Variants in DENND4C observed in about 807,000 individuals in gnomAD.
DENND4C encodes the protein DENN domain-containing protein 4C.
DENND4C carries 108 observed loss-of-function variants against 203.0 expected under a neutral mutation model. That is an observed-to-expected ratio of 0.53 (90% CI 0.46 to 0.62). DENND4C has a LOEUF of 0.62. Among genes scored for constraint, DENND4C ranks in the 20% least tolerant of loss-of-function variants. The pLI is 0.00. For missense variants in DENND4C, 2,481 were observed against 2,301.2 expected (o/e 1.08, Z -1.60); for synonymous variants, 871 against 792.4 (o/e 1.10, Z -1.67).
At chr9:19,323,402 C>T (rs1173236909) in intron 12 of DENND4C, among the ~76,000 whole-genome samples, 1 of 151,024 alleles carries the variant, frequency 6.6e-6, no homozygotes, top group Non-Finnish European at 1.5e-5. Context: ...TGCACTCCAG[C>T]CTGGGCGACA....
At chr9:19,239,095 A>C (rs537355699) in intron 1 of DENND4C, among the ~76,000 whole-genome samples, 88 of 151,958 alleles carry the variant, frequency 5.8e-4, no homozygotes, top group African/African-American at 2.1e-3. Flanking sequence ...GTTTATTTTA[A>C]ATTTTATTGA....
intron 30 of DENND4C, among the ~76,000 whole-genome samples, chr9:19,367,172 A>T (rs1305617837): frequency 1.3e-5 from 2 of 152,214 alleles, no homozygotes; most frequent in Admixed American, 6.5e-5. Flanking sequence ...TAGGATGGCT[A>T]TAATAAAAAA....
chr9:19,239,416 T>C (rs1482593143), intron 1 of DENND4C, among the ~76,000 whole-genome samples: 1 of 152,158 alleles, frequency 6.6e-6, no homozygotes, highest in Non-Finnish European at 1.5e-5. Context: ...TTTATGTTAA[T>C]GATCTCAAGT....
intron 1 of DENND4C, among the ~76,000 whole-genome samples, chr9:19,245,578 C>T (rs1273698242): frequency 3.3e-5 from 5 of 151,532 alleles, no homozygotes; most frequent in South Asian, 4.2e-4. Context: ...AGCATTGGGC[C>T]GGGCGCGGTG....
At chr9:19,235,990 TTTTA>T (rs1269587010) in intron 1 of DENND4C, among the ~76,000 whole-genome samples, 4 of 152,136 alleles carry the variant, frequency 2.6e-5, no homozygotes, top group East Asian at 1.9e-4. Flanking sequence ...TTTGTTATGT[TTTTA>T]TTTCTTTTTT....
At position 19,354,398 on chromosome 9, in the gene DENND4C, C is replaced by T. The variant is rs187249517; in HGVS notation, c.4781+1733C>T. On this transcript the variant is annotated intron_variant, in intron 26 of 32. Transcript: ENST00000434457. Reference sequence around the variant, plus strand: ...TAAACACAAAATATTGCTTCCTAGACGGCTGCACTCCCACAAGTAGTACCC... The same window carrying T: ...TAAACACAAAATATTGCTTCCTAGATGGCTGCACTCCCACAAGTAGTACCC... Among the ~76,000 whole-genome samples the T allele has an allele frequency of 3.3e-5, 5 of 152,222 alleles. No individual in the cohort carries two copies. The South Asian group carries it at 6.2e-4, about 19-fold the overall frequency.
chr9:19,280,325 T>G (rs2130981655), intron 2 of DENND4C, among the ~76,000 whole-genome samples: 1 of 152,252 alleles, frequency 6.6e-6, no homozygotes, highest in Middle Eastern at 3.4e-3. Context: ...TTTTGTATTT[T>G]TAGTAGAGAC....
chr9:19,311,526 C>T (rs1488081978), intron 10 of DENND4C, among the ~76,000 whole-genome samples: 3 of 152,112 alleles, frequency 2.0e-5, no homozygotes, highest in Non-Finnish European at 2.9e-5. Context: ...CCAAGTATAT[C>T]GTCAGTTTTT....
At chr9:19,282,398 C>T (rs1834243042) in intron 2 of DENND4C, among the ~76,000 whole-genome samples, 1 of 151,374 alleles carries the variant, frequency 6.6e-6, no homozygotes, top group Admixed American at 6.6e-5. Flanking sequence ...AGCTGAACTA[C>T]AAGTGTATGC....
chr9:19,266,838 A>G (rs1830607324), intron 1 of DENND4C, among the ~76,000 whole-genome samples: 1 of 152,224 alleles, frequency 6.6e-6, no homozygotes, highest in East Asian at 1.9e-4. Context: ...AAGATGGATT[A>G]AAGACTTAAA....
At chr9:19,336,538 C>G in intron 19 of DENND4C, 124 bp downstream of exon 19, 1 of 1,436,148 alleles carries the variant, frequency 7.0e-7, no homozygotes, top group Non-Finnish European at 9.2e-7. Flanking sequence ...CATTTAAAGA[C>G]AGATTGTCTT....
chr9:19,328,637 GTCTGTCTGTCTGTCTGTCTGTCTATCTA>G (rs1309070685), intron 16 of DENND4C, among the ~76,000 whole-genome samples: 1 of 71,262 alleles, frequency 1.4e-5, no homozygotes, highest in Non-Finnish European at 3.0e-5. Context: ...ATATGTGTCT[GTCTGTCTGTCTGTCTGTCTGTCTATCTA>G]TCTATCTATC....
At chr9:19,260,351 T>A (rs961035992) in intron 1 of DENND4C, among the ~76,000 whole-genome samples, 1 of 143,584 alleles carries the variant, frequency 7.0e-6, no homozygotes, top group African/African-American at 2.6e-5. Context: ...GTAGAGTTGT[T>A]TGATGTCCTT....
intron 12 of DENND4C, among the ~76,000 whole-genome samples, chr9:19,319,588 G>T (rs1448757024): frequency 6.6e-6 from 1 of 151,218 alleles, no homozygotes; most frequent in Admixed American, 6.6e-5. Context: ...ATAAGATTAG[G>T]CTCAGATTGT....
chr9:19,365,280 A>G (rs1202822488), intron 30 of DENND4C, among the ~76,000 whole-genome samples: 1 of 152,194 alleles, frequency 6.6e-6, no homozygotes, highest in Non-Finnish European at 1.5e-5. Context: ...TATACTATCA[A>G]TAGAGTAAAG....
intron 15 of DENND4C, among the ~76,000 whole-genome samples, chr9:19,327,436 A>T (rs1427507782): frequency 1.3e-5 from 2 of 152,000 alleles, no homozygotes; most frequent in Admixed American, 1.3e-4. Context: ...TAATTATAAT[A>T]ATTTTAATTC....
chr9:19,270,049 A>G (rs545176778), intron 1 of DENND4C, among the ~76,000 whole-genome samples: 3 of 152,150 alleles, frequency 2.0e-5, no homozygotes, highest in Non-Finnish European at 4.4e-5. Flanking sequence ...GTCTTGGGTA[A>G]TAGCCAGTAT....
chr9:19,352,600 A>G lies in DENND4C; in HGVS notation c.4716A>G (p.Pro1572=), dbSNP rs1824407302. The part of the protein sequence containing the change: ...ADDSNLNTAC[P]FCKSNFLPLL... ...ACTCAAATTTGAATACAGCTTGTCC[A>G]TTCTGTAAAAGCAACTTCTTGCCTC... The change falls in exon 26 of 33, where the codon CCA becomes CCG. Residue 1572 remains proline (P), a synonymous_variant. Coordinates refer to ENST00000434457, the MANE Select transcript of DENND4C (RefSeq NM_001330640.2). 3 of 1,613,592 alleles carry G rather than the reference A, an allele frequency of 1.9e-6. No individual in the cohort carries two copies. The African/African-American group carries it at 4.0e-5, about 22-fold the overall frequency.
chr9:19,255,967 T>C (rs1019667496), intron 1 of DENND4C, among the ~76,000 whole-genome samples: 13 of 152,006 alleles, frequency 8.6e-5, no homozygotes, highest in Non-Finnish European at 1.5e-4. Flanking sequence ...CTGAGCATGG[T>C]GTCTTAACTC....
Sources: gnomAD v4.1 joint callset for allele counts (sites outside exome capture counted in the v4.1 genomes callset) on GRCh38, gnomAD v4.1.1 for gene constraint, MANE v1.5 for transcripts, NCBI Gene and HGNC (gene_info 2026-07-23, HGNC 2026-07-21) for gene names.